The following SLCO1A2 variants were observed in gnomAD, a reference collection of about 807,000 sequenced individuals.
SLCO1A2 encodes OATP-1.
Under a neutral mutation model 69.0 loss-of-function variants are expected in SLCO1A2, and 67 were observed. The observed-to-expected ratio is 0.97, with a 90% confidence interval of 0.80 to 1.19. The LOEUF (loss-of-function observed/expected upper bound fraction) is 1.19. Among genes scored for constraint, SLCO1A2 ranks in the 50% most tolerant of loss-of-function variants. SLCO1A2 has a pLI of 0.00. For synonymous variants in SLCO1A2, 260 were observed against 265.9 expected (o/e 0.98, Z 0.22); for missense variants, 787 against 793.7 (o/e 0.99, Z 0.10).
At chr12:21,345,225 T>C (rs909488171) in intron 2 of SLCO1A2, among the ~76,000 whole-genome samples, 2 of 151,992 alleles carry the variant, frequency 1.3e-5, no homozygotes, top group Non-Finnish European at 2.9e-5. Flanking sequence ...TTCATTCTTC[T>C]GTAAATCTCA....
chr12:21,355,516 C>T (rs1222214396), intron 2 of SLCO1A2, among the ~76,000 whole-genome samples: 2 of 152,046 alleles, frequency 1.3e-5, no homozygotes, highest in African/African-American at 4.8e-5. Flanking sequence ...ATCTGGGAGA[C>T]CTAAACTTTG....
At chr12:21,416,415 A>G (rs1941990112) in intron 1 of SLCO1A2, among the ~76,000 whole-genome samples, 1 of 151,964 alleles carries the variant, frequency 6.6e-6, no homozygotes, top group Non-Finnish European at 1.5e-5. Context: ...GCTCTCCCAA[A>G]TAACTCCACA....
intron 12 of SLCO1A2, among the ~76,000 whole-genome samples, chr12:21,280,576 A>G (rs11535998): frequency 0.038 from 5,789 of 152,092 alleles, 474 homozygotes; most frequent in East Asian, 0.35. Context: ...ACCCAGATAT[A>G]TAAAGCAAAT....
At chr12:21,388,746 T>C (rs1267664464) in intron 1 of SLCO1A2, among the ~76,000 whole-genome samples, 2 of 152,162 alleles carry the variant, frequency 1.3e-5, no homozygotes, top group African/African-American at 4.8e-5. Flanking sequence ...TAAAAAATAT[T>C]ATGCCACTTC....
At chr12:21,357,196 T>C (rs1938436383) in intron 2 of SLCO1A2, among the ~76,000 whole-genome samples, 1 of 152,300 alleles carries the variant, frequency 6.6e-6, no homozygotes, top group African/African-American at 2.4e-5. Flanking sequence ...CAGAGTTATT[T>C]CCAAAGTAAT....
At position 21,294,028 on chromosome 12, in the gene SLCO1A2, GA is replaced by G. The variant is rs1298165071; in HGVS notation, c.1353del (p.Pro452LeufsTer26). 8.7e-6 allele frequency: 14 copies of G among 1,612,178 alleles called. No individual in the cohort carries two copies. Among genetic ancestry groups the G allele is most frequent in the Non-Finnish European group, 1.1e-5 (13 of 1,179,222 alleles). On this transcript the variant is annotated frameshift_variant, in exon 11 of 15. Transcript: ENST00000683939. LOFTEE classifies it high-confidence loss of function. ...VDCNCPSKIW[D>X]PVCGNNGLSY... The stretch of plus-strand genomic sequence containing the variant: ...GACAAGCCATTGTTTCCACACACAG[GA>G]TCCCATATTTTAGATGGACAGTTGC...
intron 2 of SLCO1A2, among the ~76,000 whole-genome samples, chr12:21,354,198 C>T (rs1023743916): frequency 1.3e-5 from 2 of 152,194 alleles, no homozygotes; most frequent in African/African-American, 4.8e-5. Context: ...CTCATGATCC[C>T]AGTACCTCTC....
chr12:21,305,929 C>T (rs1788918126), intron 5 of SLCO1A2, among the ~76,000 whole-genome samples: 1 of 152,174 alleles, frequency 6.6e-6, no homozygotes. Context: ...CATCTCCAGA[C>T]CAAGTATAAC....
intron 4 of SLCO1A2, among the ~76,000 whole-genome samples, chr12:21,313,185 C>T (rs1950434688): frequency 6.6e-6 from 1 of 152,006 alleles, no homozygotes; most frequent in East Asian, 1.9e-4. Flanking sequence ...TCACAGATCG[C>T]CATAACAGAT....
At chr12:21,402,907 A>G (rs1434807469) in intron 1 of SLCO1A2, among the ~76,000 whole-genome samples, 1 of 152,158 alleles carries the variant, frequency 6.6e-6, no homozygotes, top group Non-Finnish European at 1.5e-5. Flanking sequence ...TCATTTTTGA[A>G]TTTTAAAAGA....
upstream of SLCO1A2, among the ~76,000 whole-genome samples, chr12:21,396,947 G>C (rs575410886): frequency 1.3e-5 from 2 of 151,652 alleles, no homozygotes; most frequent in South Asian, 2.1e-4. Flanking sequence ...ATCGAGACTA[G>C]GAAGAAACTG....
At chr12:21,385,113 A>G (rs1224002233) in intron 1 of SLCO1A2, among the ~76,000 whole-genome samples, 1 of 152,182 alleles carries the variant, frequency 6.6e-6, no homozygotes, top group Non-Finnish European at 1.5e-5. Context: ...TAATGCCCTG[A>G]TTATCATATA....
At chr12:21,313,054 C>G (rs1201491024) in intron 4 of SLCO1A2, among the ~76,000 whole-genome samples, 1 of 152,092 alleles carries the variant, frequency 6.6e-6, no homozygotes, top group Non-Finnish European at 1.5e-5. Context: ...CCACTACACC[C>G]CACCTTGGGC....
intron 2 of SLCO1A2, among the ~76,000 whole-genome samples, chr12:21,360,265 C>T (rs1938726037): frequency 6.6e-6 from 1 of 152,024 alleles, no homozygotes; most frequent in South Asian, 2.1e-4. Flanking sequence ...TGTGCATTGG[C>T]CAAAACCAGT....
chr12:21,302,107 C>A (rs992521528), intron 6 of SLCO1A2, among the ~76,000 whole-genome samples: 1 of 152,140 alleles, frequency 6.6e-6, no homozygotes, highest in Non-Finnish European at 1.5e-5. Flanking sequence ...TGTGCGCGTT[C>A]AATTTCCCCG....
At chr12:21,398,737 A>T (rs1941572611), upstream of SLCO1A2, among the ~76,000 whole-genome samples, 1 of 150,868 alleles carries the variant, frequency 6.6e-6, no homozygotes, top group Non-Finnish European at 1.5e-5. Context: ...AAATCAATAA[A>T]TGTAATCCAC....
intron 2 of SLCO1A2, among the ~76,000 whole-genome samples, chr12:21,333,545 C>A (rs1361997633): frequency 3.9e-5 from 6 of 152,106 alleles, no homozygotes; most frequent in Admixed American, 6.6e-5. Context: ...CTCACTTTTA[C>A]CTGATAAACT....
upstream of SLCO1A2, among the ~76,000 whole-genome samples, chr12:21,396,733 A>G (rs1941477561): frequency 6.6e-6 from 1 of 152,210 alleles, no homozygotes; most frequent in Non-Finnish European, 1.5e-5. Context: ...TTCTTAAAGA[A>G]AAGAATTTTC....
intron 1 of SLCO1A2, 24 bp from the exon 2 acceptor site, chr12:21,334,733 GTTAAA>G: frequency 1.9e-6 from 2 of 1,054,670 alleles, no homozygotes; most frequent in Non-Finnish European, 2.8e-6. Context: ...AAAAAAATAT[GTTAAA>G]TTAACTACAA....
Sources: gnomAD v4.1 joint callset for allele counts (sites outside exome capture counted in the v4.1 genomes callset) on GRCh38, gnomAD v4.1.1 for gene constraint, MANE v1.5 for transcripts, NCBI Gene and HGNC (gene_info 2026-07-23, HGNC 2026-07-21) for gene names.